CDH13: variants seen among roughly 807,000 people sequenced by gnomAD.
The protein encoded by CDH13 is cadherin-13.
CDH13 carries 24 observed loss-of-function variants against 63.8 expected under a neutral mutation model. The observed-to-expected ratio is 0.38, with a 90% CI of 0.27 to 0.53. The LOEUF (loss-of-function observed/expected upper bound fraction) is 0.53. CDH13 is among the 20% of genes least tolerant of loss of function. CDH13 has a pLI of 0.85. For synonymous variants in CDH13, 503 were observed against 355.3 expected, an observed-to-expected ratio of 1.42 and a Z score of -4.67; for missense variants, 1,049 against 903.1, an observed-to-expected ratio of 1.16 and a Z score of -2.07.
intron 7 of CDH13, among the ~76,000 whole-genome samples, chr16:83,582,006 C>A (rs1173071277): frequency 6.6e-6 from 1 of 152,124 alleles, no homozygotes; most frequent in Non-Finnish European, 1.5e-5. Context: ...TCCACACTGG[C>A]TAAAAGATTG....
intron 2 of CDH13, among the ~76,000 whole-genome samples, chr16:82,999,903 G>T (rs1912679254): frequency 6.6e-6 from 1 of 152,076 alleles, no homozygotes; most frequent in Non-Finnish European, 1.5e-5. Flanking sequence ...TTCACCCCCT[G>T]AGGGCATTTG....
chr16:82,666,965 G>A (rs551118804), intron 1 of CDH13, among the ~76,000 whole-genome samples: 1 of 152,268 alleles, frequency 6.6e-6, no homozygotes, highest in South Asian at 2.1e-4. Context: ...ATGAGTTCAG[G>A]AATGGGTCCA....
chr16:83,317,723 C>T (rs1005516565), intron 5 of CDH13, among the ~76,000 whole-genome samples: 2 of 151,914 alleles, frequency 1.3e-5, no homozygotes, highest in Non-Finnish European at 2.9e-5. Flanking sequence ...TCGCTTGAAC[C>T]CGGGAGGCGG....
intron 3 of CDH13, among the ~76,000 whole-genome samples, chr16:83,064,759 T>G (rs1023797125): frequency 1.3e-5 from 2 of 152,218 alleles, no homozygotes; most frequent in African/African-American, 2.4e-5. Context: ...TATGCATTTA[T>G]GAGGTACAAT....
intron 5 of CDH13, among the ~76,000 whole-genome samples, chr16:83,329,915 T>C (rs192661229): frequency 1.9e-3 from 283 of 152,346 alleles, no homozygotes; most frequent in Non-Finnish European, 3.2e-3. Context: ...ATTTTGATTA[T>C]CCATTCATCT....
intron 1 of CDH13, among the ~76,000 whole-genome samples, chr16:82,630,229 C>A (rs77534307): frequency 1.3e-5 from 2 of 152,046 alleles, no homozygotes; most frequent in Non-Finnish European, 1.5e-5. Flanking sequence ...GCTGCCCCCT[C>A]CCCCCCTAGG....
At chr16:83,292,681 A>G (rs1269582253) in intron 5 of CDH13, among the ~76,000 whole-genome samples, 11 of 152,148 alleles carry the variant, frequency 7.2e-5, no homozygotes, top group Admixed American at 5.9e-4. Context: ...TTGAATTGGA[A>G]TCGTTGGGAA....
intron 1 of CDH13, chr16:82,705,230 G>A (rs1473003825): frequency 4.4e-6 from 2 of 450,378 alleles, no homozygotes; most frequent in Non-Finnish European, 8.9e-6. Flanking sequence ...GCACATGAGA[G>A]GGAGGACAAG....
intron 6 of CDH13, among the ~76,000 whole-genome samples, chr16:83,365,980 T>C (rs886096788): frequency 4.6e-5 from 7 of 152,192 alleles, no homozygotes; most frequent in Admixed American, 6.5e-5. Context: ...GGAAACCTAC[T>C]GTGAACCCCA....
intron 5 of CDH13, among the ~76,000 whole-genome samples, chr16:83,326,220 A>G (rs956450620): frequency 2.6e-5 from 4 of 152,200 alleles, no homozygotes; most frequent in Middle Eastern, 3.4e-3. Context: ...GACAACAACA[A>G]CAAATTACTT....
intron 7 of CDH13, among the ~76,000 whole-genome samples, chr16:83,494,905 C>T (rs909901492): frequency 2.0e-5 from 3 of 152,180 alleles, no homozygotes; most frequent in Non-Finnish European, 4.4e-5. Context: ...CCTTATTGGA[C>T]ATATGGCACT....
At chr16:83,613,374 A>G (rs2150766449) in intron 8 of CDH13, among the ~76,000 whole-genome samples, 1 of 152,272 alleles carries the variant, frequency 6.6e-6, no homozygotes, top group Non-Finnish European at 1.5e-5. Context: ...TGGGACCCTA[A>G]TTTTATATAT....
intron 8 of CDH13, among the ~76,000 whole-genome samples, chr16:83,650,176 T>C (rs1053915220): frequency 2.6e-5 from 4 of 152,114 alleles, no homozygotes; most frequent in African/African-American, 9.6e-5. Context: ...CCCACAGGTA[T>C]AAAATGTATT....
At chr16:83,595,020 C>T (rs1401073015) in intron 7 of CDH13, among the ~76,000 whole-genome samples, 1 of 152,166 alleles carries the variant, frequency 6.6e-6, no homozygotes, top group African/African-American at 2.4e-5. Flanking sequence ...AGTTGACACC[C>T]AGGAGGAGAC....
At chr16:83,546,830 C>A (rs1156896673) in intron 7 of CDH13, among the ~76,000 whole-genome samples, 1 of 152,148 alleles carries the variant, frequency 6.6e-6, no homozygotes, top group Non-Finnish European at 1.5e-5. Flanking sequence ...GCACTGCAGC[C>A]CCATGGCCAT....
chr16:83,583,237 G>A (rs965216141), intron 7 of CDH13, among the ~76,000 whole-genome samples: 3 of 152,092 alleles, frequency 2.0e-5, no homozygotes, highest in East Asian at 1.9e-4. Context: ...AAATCATCTC[G>A]TCTCCAGATC....
chr16:82,783,786 G>C (rs2035875736), intron 1 of CDH13, among the ~76,000 whole-genome samples: 1 of 151,784 alleles, frequency 6.6e-6, no homozygotes, highest in South Asian at 2.1e-4. Flanking sequence ...AGTATGTAAG[G>C]ACAGAGAAAG....
intron 5 of CDH13, among the ~76,000 whole-genome samples, chr16:83,304,559 A>C (rs2089829528): frequency 1.3e-5 from 2 of 152,200 alleles, no homozygotes; most frequent in Admixed American, 1.3e-4. Flanking sequence ...ACTATCAAAT[A>C]ATAGATATTT....
chr16:83,267,623 G>T (rs1308500634), intron 5 of CDH13, among the ~76,000 whole-genome samples: 2 of 152,126 alleles, frequency 1.3e-5, no homozygotes, highest in Non-Finnish European at 2.9e-5. Context: ...TGGGCTCCCG[G>T]TAAAAGGATG....
Sources: gnomAD v4.1 joint callset for allele counts (sites outside exome capture counted in the v4.1 genomes callset) on GRCh38, gnomAD v4.1.1 for gene constraint, MANE v1.5 for transcripts, NCBI Gene and HGNC (gene_info 2026-07-23, HGNC 2026-07-21) for gene names.